SOX6: variants seen among roughly 807,000 people sequenced by gnomAD.
SOX6 encodes SRY-box transcription factor 6, also known as transcription factor SOX-6.
A neutral mutation model predicts 97.8 loss-of-function variants in SOX6; 11 were observed. The ratio of observed to expected loss-of-function variants is 0.11; its 90% CI spans 0.07 to 0.19. SOX6 has a LOEUF of 0.19. Ranked by LOEUF, SOX6 falls within the 10% of genes least tolerant of loss-of-function variation. The pLI is 1.00. For missense variants in SOX6, 810 were observed against 1,039.5 expected (o/e 0.78, Z 3.04); for synonymous variants, 360 against 371.4 (o/e 0.97, Z 0.35).
intron 4 of SOX6, among the ~76,000 whole-genome samples, chr11:16,218,053 C>G (rs1169510028): frequency 6.6e-6 from 1 of 152,020 alleles, no homozygotes; most frequent in Non-Finnish European, 1.5e-5. Context: ...TCAATATATT[C>G]AGTACATATG....
At chr11:16,663,549 C>T (rs1229723220) in intron 3 of SOX6, among the ~76,000 whole-genome samples, 1 of 152,144 alleles carries the variant, frequency 6.6e-6, no homozygotes, top group Non-Finnish European at 1.5e-5. Context: ...TCTCAAATGC[C>T]TGAGCTAAAG....
intron 1 of SOX6, among the ~76,000 whole-genome samples, chr11:16,409,694 T>C (rs1858758705): frequency 6.6e-6 from 1 of 151,972 alleles, no homozygotes; most frequent in Non-Finnish European, 1.5e-5. Flanking sequence ...TATTCACAGA[T>C]TAAAGAAGAA....
intron 4 of SOX6, among the ~76,000 whole-genome samples, chr11:16,487,068 T>TAA (rs1860447470): frequency 6.6e-6 from 1 of 152,128 alleles, no homozygotes; most frequent in Non-Finnish European, 1.5e-5. Flanking sequence ...GTAACTGTGC[T>TAA]AAATGTGGGC....
chr11:16,512,812 C>T (rs568276979), intron 4 of SOX6, among the ~76,000 whole-genome samples: 2 of 152,252 alleles, frequency 1.3e-5, no homozygotes, highest in South Asian at 4.1e-4. Context: ...TAAATAAATG[C>T]AAGTCACTGG....
intron 1 of SOX6, among the ~76,000 whole-genome samples, chr11:16,465,513 G>A (rs1860013019): frequency 6.6e-6 from 1 of 152,054 alleles, no homozygotes; most frequent in African/African-American, 2.4e-5. Context: ...CAGAATACTA[G>A]TGGCTGTAAT....
chr11:16,377,756 C>T (rs1052285406), intron 1 of SOX6, among the ~76,000 whole-genome samples: 43 of 152,182 alleles, frequency 2.8e-4, no homozygotes, highest in East Asian at 1.7e-3. Context: ...TCAACAATTT[C>T]GATGTATCTT....
intron 2 of SOX6, among the ~76,000 whole-genome samples, chr11:16,721,540 CTCTCTCTCTCTT>C (rs1312605333): frequency 3.9e-4 from 26 of 67,184 alleles, no homozygotes; most frequent in African/African-American, 7.9e-4. Flanking sequence ...CTCTCTCTCT[CTCTCTCTCTCTT>C]CCCCCCCCTC....
chr11:16,107,041 C>T (rs2133988584), intron 7 of SOX6, among the ~76,000 whole-genome samples: 1 of 152,022 alleles, frequency 6.6e-6, no homozygotes, highest in South Asian at 2.1e-4. Flanking sequence ...CGAGATACCA[C>T]TTCACACCTA....
At chr11:16,466,185 T>C (rs1381413673) in intron 1 of SOX6, among the ~76,000 whole-genome samples, 2 of 152,230 alleles carry the variant, frequency 1.3e-5, no homozygotes, top group African/African-American at 4.8e-5. Context: ...GCTTTACCTT[T>C]ATTGGCAATC....
At chr11:16,298,041 C>T (rs1855149672) in intron 3 of SOX6, among the ~76,000 whole-genome samples, 1 of 152,140 alleles carries the variant, frequency 6.6e-6, no homozygotes, top group South Asian at 2.1e-4. Flanking sequence ...ATGATTACTG[C>T]AGTTTGTCAA....
chr11:16,651,491 A>AT (rs1327729905), intron 3 of SOX6, among the ~76,000 whole-genome samples: 1 of 152,162 alleles, frequency 6.6e-6, no homozygotes, highest in African/African-American at 2.4e-5. Flanking sequence ...AATAAATGTG[A>AT]TATACCACAT....
At chr11:16,178,774 G>A (rs1851265811) in intron 6 of SOX6, among the ~76,000 whole-genome samples, 1 of 151,886 alleles carries the variant, frequency 6.6e-6, no homozygotes, top group Non-Finnish European at 1.5e-5. Flanking sequence ...CAAAACAGGA[G>A]CACTGTAATT....
intron 12 of SOX6, among the ~76,000 whole-genome samples, chr11:16,024,894 C>T (rs1469934827): frequency 2.0e-5 from 3 of 151,984 alleles, no homozygotes; most frequent in African/African-American, 4.8e-5. Context: ...CCAAAATAAG[C>T]GAGTTCTGTC....
At chr11:16,587,815 G>A (rs922779273) in intron 4 of SOX6, among the ~76,000 whole-genome samples, 2 of 152,178 alleles carry the variant, frequency 1.3e-5, no homozygotes, top group African/African-American at 4.8e-5. Flanking sequence ...CTCTGCTGGT[G>A]ACAGAAACCA....
Position 16,605,391 on chromosome 11 carries a change from G to A in SOX6, n.609+6690C>T, listed in dbSNP as rs1027280194. Among the ~76,000 whole-genome samples, 1 of 152,170 alleles carries A rather than the reference G, an allele frequency of 6.6e-6. No individual in the cohort carries two copies. Among genetic ancestry groups the A allele is most frequent in the African/African-American group, 2.4e-5 (1 of 41,468 alleles). ...CCAGGGTAAAGAGGACCACAGATCA[G>A]TCAGCCTTGGATTTCGGATGGGCTT... is the stretch of plus-strand genomic sequence containing the variant. On this transcript the variant is annotated intron_variant and non_coding_transcript_variant, in intron 4 of 5. Coordinates refer to the SOX6 transcript ENST00000524520. The surrounding 1 kb of genome is among the most constrained non-coding windows in gnomAD (Gnocchi z 5.3).
intron 5 of SOX6, 105 bp downstream of exon 5, chr11:16,186,678 T>A (rs1851486351): frequency 7.5e-7 from 1 of 1,333,768 alleles, no homozygotes; most frequent in Admixed American, 2.1e-5. Flanking sequence ...TTTTTATTTT[T>A]ATTTTTTAGG....
At chr11:16,012,772 G>A (rs776485947) in intron 13 of SOX6, among the ~76,000 whole-genome samples, 1 of 151,936 alleles carries the variant, frequency 6.6e-6, no homozygotes, top group Non-Finnish European at 1.5e-5. Flanking sequence ...CTCAGCCTCA[G>A]TTTTCTCACC....
upstream of SOX6, among the ~76,000 whole-genome samples, chr11:16,358,386 A>T (rs1857124487): frequency 6.6e-6 from 1 of 152,168 alleles, no homozygotes; most frequent in African/African-American, 2.4e-5. Context: ...TCTCAATTTT[A>T]TTATGAAAGA....
intron 1 of SOX6, among the ~76,000 whole-genome samples, chr11:16,463,356 G>T (rs1365883711): frequency 1.3e-5 from 2 of 152,126 alleles, no homozygotes; most frequent in Admixed American, 6.5e-5. Flanking sequence ...AACAGTCATG[G>T]TCTCTTCCCT....
Sources: gnomAD v4.1 joint callset for allele counts (sites outside exome capture counted in the v4.1 genomes callset) on GRCh38, gnomAD v4.1.1 for gene constraint, Gnocchi (gnomAD v3.1) non-coding constraint, MANE v1.5 for transcripts, NCBI Gene and HGNC (gene_info 2026-07-23, HGNC 2026-07-21) for gene names.